The following CNTN4 variants were observed in gnomAD, a reference collection of about 807,000 sequenced individuals.
CNTN4 encodes contactin-4.
A neutral mutation model predicts 122.5 loss-of-function variants in CNTN4; 77 were observed. The observed-to-expected ratio is 0.63, with a 90% CI of 0.52 to 0.76. The LOEUF (loss-of-function observed/expected upper bound fraction) is 0.76. Among genes scored for constraint, CNTN4 ranks in the 30% least tolerant of loss-of-function variants. The pLI is 0.00. For synonymous variants in CNTN4, 512 were observed against 447.0 expected, an observed-to-expected ratio of 1.15 and a Z score of -1.83; for missense variants, 1,256 against 1,259.1, an observed-to-expected ratio of 1.00 and a Z score of 0.04.
chr3:3,019,765 AATATATATATATATATAT>A (rs67229453), intron 14 of CNTN4, among the ~76,000 whole-genome samples: 4 of 138,038 alleles, frequency 2.9e-5, no homozygotes, highest in African/African-American at 8.2e-5. Flanking sequence ...TGTGTACACA[AATATATATATATATATAT>A]ATATATATAT....
At chr3:2,146,404 G>A (rs570474020) in intron 2 of CNTN4, among the ~76,000 whole-genome samples, 2 of 151,728 alleles carry the variant, frequency 1.3e-5, no homozygotes, top group African/African-American at 4.8e-5. Context: ...TATGCATATA[G>A]TATCTATGTA....
At chr3:2,608,797 T>C (rs1022042282) in intron 4 of CNTN4, among the ~76,000 whole-genome samples, 35 of 152,222 alleles carry the variant, frequency 2.3e-4, no homozygotes, top group African/African-American at 8.2e-4. Context: ...CTTGGCTCTT[T>C]TTAAAAAATG....
At chr3:2,956,799 C>G (rs921837793) in intron 13 of CNTN4, among the ~76,000 whole-genome samples, 2 of 152,106 alleles carry the variant, frequency 1.3e-5, no homozygotes, top group African/African-American at 4.8e-5. Context: ...TTTATTTCCC[C>G]TACCTCCAGA....
intron 13 of CNTN4, among the ~76,000 whole-genome samples, chr3:2,972,685 G>A (rs1693042664): frequency 6.6e-6 from 1 of 152,086 alleles, no homozygotes; most frequent in African/African-American, 2.4e-5. Context: ...TAAATGTAGT[G>A]TGCTGATGAT....
intron 3 of CNTN4, among the ~76,000 whole-genome samples, chr3:2,548,664 T>C (rs1186006086): frequency 6.6e-6 from 1 of 152,168 alleles, no homozygotes; most frequent in Non-Finnish European, 1.5e-5. Flanking sequence ...ATGGGCTCTT[T>C]TTTTGGTTCC....
At chr3:3,043,546 T>G in intron 22 of CNTN4, 46 bp from the exon 23 acceptor site, 125 of 1,399,302 alleles carry the variant, frequency 8.9e-5, no homozygotes, top group Non-Finnish European at 1.2e-4. Flanking sequence ...CAGAATCCAT[T>G]GAGACTTAAT....
At chr3:2,232,626 G>A (rs1365160355) in intron 2 of CNTN4, among the ~76,000 whole-genome samples, 1 of 152,096 alleles carries the variant, frequency 6.6e-6, no homozygotes, top group African/African-American at 2.4e-5. Context: ...ACTCCATAGA[G>A]TTTGTACTAA....
intron 12 of CNTN4, among the ~76,000 whole-genome samples, chr3:2,921,395 ATCT>A (rs1206730850): frequency 2.0e-5 from 3 of 152,206 alleles, no homozygotes; most frequent in African/African-American, 4.8e-5. Context: ...GAAAGAAGAA[ATCT>A]TCTACCAGTA....
intron 12 of CNTN4, among the ~76,000 whole-genome samples, chr3:2,915,699 G>GTA (rs1331308534): frequency 1.3e-5 from 2 of 152,088 alleles, no homozygotes; most frequent in African/African-American, 4.8e-5. Context: ...CTAACATTTG[G>GTA]TATATATTCA....
At chr3:2,976,636 G>A (rs1206768977) in intron 13 of CNTN4, among the ~76,000 whole-genome samples, 1 of 152,102 alleles carries the variant, frequency 6.6e-6, no homozygotes, top group Non-Finnish European at 1.5e-5. Flanking sequence ...TTAAGATGGG[G>A]AGCAAAGCCA....
chr3:2,345,304 G>C (rs1554562), intron 3 of CNTN4, among the ~76,000 whole-genome samples: 72,182 of 151,800 alleles, frequency 0.48, 17,398 homozygotes, highest in Admixed American at 0.52. Context: ...TTTTTAAAAA[G>C]TTTGTTTTTG....
intron 10 of CNTN4, among the ~76,000 whole-genome samples, chr3:2,895,982 A>G (rs558898045): frequency 5.4e-4 from 83 of 152,320 alleles, no homozygotes; most frequent in East Asian, 4.1e-3. Context: ...GCAGCGAGCC[A>G]AGATGGCGCC....
At chr3:2,835,501 T>A (rs1395633427) in intron 7 of CNTN4, among the ~76,000 whole-genome samples, 3 of 152,170 alleles carry the variant, frequency 2.0e-5, no homozygotes, top group Non-Finnish European at 4.4e-5. Context: ...GTTTACATGT[T>A]CAGCCAAAAA....
intron 3 of CNTN4, among the ~76,000 whole-genome samples, chr3:2,388,460 G>A (rs1431203532): frequency 6.6e-6 from 1 of 152,100 alleles, no homozygotes; most frequent in Non-Finnish European, 1.5e-5. Context: ...TTAATTACTC[G>A]AGGATAAGCT....
At chr3:2,960,351 G>A (rs934949003) in intron 13 of CNTN4, among the ~76,000 whole-genome samples, 2 of 152,214 alleles carry the variant, frequency 1.3e-5, no homozygotes, top group Admixed American at 6.5e-5. Context: ...GGTACCGCAC[G>A]GGCAAGAGCC....
intron 2 of CNTN4, among the ~76,000 whole-genome samples, chr3:2,184,008 G>A (rs2037138133): frequency 6.6e-6 from 1 of 151,840 alleles, no homozygotes; most frequent in South Asian, 2.1e-4. Flanking sequence ...GTCTCGCTCT[G>A]TCACCCAGGC....
chr3:2,272,344 A>G (rs11916479), intron 2 of CNTN4, among the ~76,000 whole-genome samples: 82,197 of 151,230 alleles, frequency 0.54, 22,787 homozygotes, highest in South Asian at 0.68. Context: ...TATATGCACC[A>G]TTTCTCTAAT....
At chr3:3,001,406 AAG>A (rs574377595) in intron 14 of CNTN4, among the ~76,000 whole-genome samples, 2 of 152,334 alleles carry the variant, frequency 1.3e-5, no homozygotes, top group African/African-American at 4.8e-5. Context: ...AAGAGGAAAA[AAG>A]AGGACAGGCA....
intron 4 of CNTN4, among the ~76,000 whole-genome samples, chr3:2,660,405 G>A (rs922249807): frequency 6.6e-6 from 1 of 152,172 alleles, no homozygotes; most frequent in African/African-American, 2.4e-5. Flanking sequence ...AAAATAAACA[G>A]CGTGTGTTCA....
Sources: gnomAD v4.1 joint callset for allele counts (sites outside exome capture counted in the v4.1 genomes callset) on GRCh38, gnomAD v4.1.1 for gene constraint, MANE v1.5 for transcripts, NCBI Gene and HGNC (gene_info 2026-07-23, HGNC 2026-07-21) for gene names.